DSCAM: variants seen among roughly 807,000 people sequenced by gnomAD.
DSCAM encodes cell adhesion molecule DSCAM.
A neutral mutation model predicts 217.7 loss-of-function variants in DSCAM; 47 were observed. That is an observed-to-expected ratio of 0.22 (90% CI 0.17 to 0.28). The LOEUF (loss-of-function observed/expected upper bound fraction) is 0.28, where lower values mean the gene tolerates loss of function less well. Among genes scored for constraint, DSCAM ranks in the 10% least tolerant of loss-of-function variants. The pLI, the probability that DSCAM is intolerant of heterozygous loss-of-function variation, is 1.00. For synonymous variants in DSCAM, 1,056 were observed against 1,015.3 expected (o/e 1.04, Z -0.76); for missense variants, 2,080 against 2,618.3 (o/e 0.79, Z 4.49).
chr21:40,415,671 T>A (rs901154266), intron 3 of DSCAM, among the ~76,000 whole-genome samples: 2 of 152,172 alleles, frequency 1.3e-5, no homozygotes, highest in African/African-American at 4.8e-5. Context: ...AATGCCTCTA[T>A]CCCTCTAAGG....
chr21:40,145,292 C>T (rs539715908), intron 16 of DSCAM, among the ~76,000 whole-genome samples: 1 of 152,246 alleles, frequency 6.6e-6, no homozygotes, highest in South Asian at 2.1e-4. Flanking sequence ...CCTCATGGAG[C>T]TTACATTCTA....
intron 11 of DSCAM, among the ~76,000 whole-genome samples, chr21:40,218,430 G>C (rs1193018850): frequency 2.0e-5 from 3 of 152,150 alleles, no homozygotes; most frequent in African/African-American, 7.2e-5. Flanking sequence ...GTAACGCGAT[G>C]CTTCCAGCTT....
chr21:40,247,505 C>T (rs2073242635), intron 11 of DSCAM, among the ~76,000 whole-genome samples: 1 of 152,210 alleles, frequency 6.6e-6, no homozygotes, highest in Non-Finnish European at 1.5e-5. Flanking sequence ...TGAAAGCCCA[C>T]AATCCAGCAG....
intron 11 of DSCAM, among the ~76,000 whole-genome samples, chr21:40,248,546 T>C (rs2073258621): frequency 6.6e-6 from 1 of 152,216 alleles, no homozygotes; most frequent in Non-Finnish European, 1.5e-5. Context: ...AACAAGTTCC[T>C]CATTTCCATC....
chr21:40,720,333 T>A (rs1199813344), intron 1 of DSCAM, among the ~76,000 whole-genome samples: 1 of 152,150 alleles, frequency 6.6e-6, no homozygotes, highest in East Asian at 1.9e-4. Context: ...CCAAAATGGT[T>A]TTTTCTTTGG....
At chr21:40,219,314 G>A (rs1396827637) in intron 11 of DSCAM, among the ~76,000 whole-genome samples, 2 of 151,946 alleles carry the variant, frequency 1.3e-5, no homozygotes, top group Non-Finnish European at 2.9e-5. Context: ...CTTGCATCCT[G>A]GAGATAAAGC....
At chr21:40,454,930 C>T (rs185436728) in intron 3 of DSCAM, among the ~76,000 whole-genome samples, 5 of 152,276 alleles carry the variant, frequency 3.3e-5, no homozygotes, top group African/African-American at 1.2e-4. Context: ...TCACAAACTG[C>T]GCACAACCTG....
chr21:40,732,057 A>C (rs2091018164), intron 1 of DSCAM, among the ~76,000 whole-genome samples: 1 of 152,122 alleles, frequency 6.6e-6, no homozygotes, highest in Non-Finnish European at 1.5e-5. Context: ...CCCCATCTCC[A>C]CATACAATCA....
At position 40,012,902 on chromosome 21, in the gene DSCAM, T is replaced by C; in HGVS notation, c.*132A>G. 1 of 649,952 alleles carries C rather than the reference T, an allele frequency of 1.5e-6. No homozygotes were observed. The highest frequency in any genetic ancestry group is 2.2e-6 in the Non-Finnish European group (1 of 461,858). The allele number at this position is 649,952 out of a possible 1,614,324, so 40.3% of individuals were successfully genotyped here. ...TTTGCACTGTCTGTGGTTTCAGTATTTTCTCTTTTTTTTTTTTAATATATT... is the reference window on the plus strand; with the variant it reads ...TTTGCACTGTCTGTGGTTTCAGTATCTTCTCTTTTTTTTTTTTAATATATT... On this transcript the variant is annotated 3_prime_UTR_variant, in exon 33 of 33. Coordinates refer to ENST00000400454, the MANE Select transcript of DSCAM (RefSeq NM_001389.5).
intron 29 of DSCAM, 129 bp from the exon 30 acceptor site, chr21:40,052,236 G>T: frequency 1.0e-6 from 1 of 998,646 alleles, no homozygotes; most frequent in Non-Finnish European, 1.4e-6. Context: ...CATCTAAAGT[G>T]ACAAAAATGA....
At chr21:40,082,330 C>T (rs939219584) in intron 24 of DSCAM, among the ~76,000 whole-genome samples, 6 of 152,150 alleles carry the variant, frequency 3.9e-5, no homozygotes, top group Admixed American at 2.6e-4. Context: ...CGTGGTGACA[C>T]GTGCCTGTAG....
At chr21:40,065,086 C>T (rs998661848) in intron 27 of DSCAM, among the ~76,000 whole-genome samples, 5 of 152,104 alleles carry the variant, frequency 3.3e-5, no homozygotes, top group African/African-American at 7.2e-5. Context: ...GAAATCTGTA[C>T]GAATCAGAGT....
intron 3 of DSCAM, among the ~76,000 whole-genome samples, chr21:40,633,599 G>T (rs1601807594): frequency 6.6e-6 from 1 of 152,188 alleles, no homozygotes; most frequent in Admixed American, 6.5e-5. Context: ...CCACAGCCAC[G>T]TACAGTACGT....
At chr21:40,612,170 G>C (rs979292556) in intron 3 of DSCAM, among the ~76,000 whole-genome samples, 2 of 152,150 alleles carry the variant, frequency 1.3e-5, no homozygotes, top group Admixed American at 1.3e-4. Flanking sequence ...CGATTTTATA[G>C]AAATTAAATA....
chr21:40,453,694 T>C (rs73361108), intron 3 of DSCAM, among the ~76,000 whole-genome samples: 2,736 of 152,316 alleles, frequency 0.018, 90 homozygotes, highest in African/African-American at 0.062. Context: ...ACAACTCTTC[T>C]TTTAAGAACA....
chr21:40,190,108 C>T (rs1221444498), intron 11 of DSCAM, among the ~76,000 whole-genome samples: 1 of 152,150 alleles, frequency 6.6e-6, no homozygotes, highest in Non-Finnish European at 1.5e-5. Flanking sequence ...TAACTTATAG[C>T]AGAGAATCTC....
intron 3 of DSCAM, among the ~76,000 whole-genome samples, chr21:40,598,293 C>A (rs899352296): frequency 6.6e-6 from 1 of 152,132 alleles, no homozygotes; most frequent in Non-Finnish European, 1.5e-5. Flanking sequence ...TCATTCTTCT[C>A]ATCACTGAGT....
chr21:40,414,303 T>A (rs1020778108), intron 3 of DSCAM, among the ~76,000 whole-genome samples: 2 of 152,208 alleles, frequency 1.3e-5, no homozygotes, highest in African/African-American at 4.8e-5. Flanking sequence ...AAGTCTTCTT[T>A]GCCATTTACA....
intron 3 of DSCAM, among the ~76,000 whole-genome samples, chr21:40,521,650 T>C (rs2076360137): frequency 1.3e-5 from 2 of 152,134 alleles, no homozygotes; most frequent in South Asian, 4.1e-4. Context: ...ACGTTTTCAC[T>C]CATATGTGAA....
Sources: gnomAD v4.1 joint callset for allele counts (sites outside exome capture counted in the v4.1 genomes callset) on GRCh38, gnomAD v4.1.1 for gene constraint, MANE v1.5 for transcripts, NCBI Gene and HGNC (gene_info 2026-07-23, HGNC 2026-07-21) for gene names.